Variants in MEGF10 observed in about 807,000 individuals in gnomAD.
The protein encoded by MEGF10 is multiple epidermal growth factor-like domains protein 10.
MEGF10 carries 86 observed loss-of-function variants against 147.5 expected under a neutral mutation model. The observed-to-expected ratio is 0.58, with a 90% CI of 0.49 to 0.70. The LOEUF (loss-of-function observed/expected upper bound fraction) is 0.70. MEGF10 is among the 30% of genes least tolerant of loss of function. The probability of loss-of-function intolerance (pLI) is 0.00; values close to 1 mark genes in which losing one functional copy is unlikely to be tolerated. For synonymous variants in MEGF10, 478 were observed against 525.5 expected (o/e 0.91, Z 1.24); for missense variants, 1,329 against 1,487.3 (o/e 0.89, Z 1.75).
intron 3 of MEGF10, among the ~76,000 whole-genome samples, chr5:127,340,171 G>A (rs943227734): frequency 6.7e-6 from 1 of 149,132 alleles, no homozygotes; most frequent in Non-Finnish European, 1.5e-5. Context: ...TCTTTTGTCT[G>A]TTAGTCTTCT....
rs998889481 is a variant in MEGF10 at position 127,396,445 on chromosome 5, A to G, written c.413-87A>G. The G allele has an allele frequency of 2.0e-5, 29 of 1,430,542 alleles. No homozygotes were observed. The African/African-American group carries it at 3.4e-4, about 17-fold the overall frequency. The allele number at this position is 1,430,542 out of a possible 1,614,324, so 88.6% of individuals were successfully genotyped here. ...TGTCCAGCTAATGAATGGCCATGAG[A>G]GGTCACCAAGCCATTCTCCCCGAGA... On this transcript the variant is annotated intron_variant, in intron 5 of 24. Transcript: ENST00000503335.
the MEGF10 span, among the ~76,000 whole-genome samples, chr5:127,251,949 A>G: frequency 6.6e-6 from 1 of 152,128 alleles, no homozygotes; most frequent in East Asian, 1.9e-4. Flanking sequence ...CAATAGAAAA[A>G]TGAATGATGG....
At chr5:127,402,008 A>T (rs1488198502) in intron 7 of MEGF10, among the ~76,000 whole-genome samples, 1 of 152,198 alleles carries the variant, frequency 6.6e-6, no homozygotes, top group Non-Finnish European at 1.5e-5. Context: ...CGGCAATGTG[A>T]TTGTTAATTC....
chr5:127,450,333 T>C (rs866269497), intron 22 of MEGF10, among the ~76,000 whole-genome samples: 1 of 152,204 alleles, frequency 6.6e-6, no homozygotes, highest in African/African-American at 2.4e-5. Flanking sequence ...CTGGATGACA[T>C]AGCGAGACTC....
chr5:127,424,258 A>G, intron 13 of MEGF10: 2 of 695,370 alleles, frequency 2.9e-6, no homozygotes, highest in Admixed American at 2.1e-5. Context: ...CCAGCACCAT[A>G]CAGTTTTGAT....
chr5:127,235,605 G>T, the MEGF10 span, among the ~76,000 whole-genome samples: 1 of 152,096 alleles, frequency 6.6e-6, no homozygotes, highest in Non-Finnish European at 1.5e-5. Flanking sequence ...TTATATTATC[G>T]TGTTTTCATT....
chr5:127,400,834 C>T (rs1179730988), intron 7 of MEGF10, among the ~76,000 whole-genome samples: 1 of 152,178 alleles, frequency 6.6e-6, no homozygotes, highest in African/African-American at 2.4e-5. Flanking sequence ...AGGCCCCTTA[C>T]CTTACTTCTG....
rs773672196 is a variant in MEGF10 at position 127,308,333 on chromosome 5, G to A, written c.-19+17277G>A. Reference sequence around the variant, plus strand: ...AATTCCTTAGAACTTTTCTGAGAACGTAAGGAACACAAACAGGTCCAGATC... The same window carrying A: ...AATTCCTTAGAACTTTTCTGAGAACATAAGGAACACAAACAGGTCCAGATC... On this transcript the variant is annotated intron_variant, in intron 1 of 24. Transcript: ENST00000503335. 1.7e-4 allele frequency among the ~76,000 whole-genome samples: 26 copies of A among 152,122 alleles called. No individual in the cohort carries two copies. The South Asian group carries it at 2.3e-3, about 13-fold the overall frequency.
intron 14 of MEGF10, among the ~76,000 whole-genome samples, chr5:127,434,203 C>T (rs897580489): frequency 2.0e-5 from 3 of 152,180 alleles, no homozygotes; most frequent in African/African-American, 2.4e-5. Flanking sequence ...AATCACTTTT[C>T]GATTACAGTC....
chr5:127,271,280 T>C, the MEGF10 span, among the ~76,000 whole-genome samples: 2 of 152,190 alleles, frequency 1.3e-5, no homozygotes, highest in African/African-American at 4.8e-5. Flanking sequence ...TATCTCATTG[T>C]GGTTTTGATT....
chr5:127,447,858 T>A (rs1260724515), intron 21 of MEGF10, among the ~76,000 whole-genome samples, 174 bp downstream of exon 21: 4 of 152,214 alleles, frequency 2.6e-5, no homozygotes, highest in Non-Finnish European at 4.4e-5. Context: ...AGTTTACTGA[T>A]GAAAACCTGA....
intron 5 of MEGF10, among the ~76,000 whole-genome samples, chr5:127,382,297 ATAG>A (rs1486225025): frequency 2.6e-5 from 4 of 152,206 alleles, no homozygotes; most frequent in African/African-American, 9.7e-5. Flanking sequence ...AGTAGAACAA[ATAG>A]TAGAGTTTAT....
chr5:127,309,532 A>G (rs1215070843), intron 1 of MEGF10, among the ~76,000 whole-genome samples: 1 of 152,254 alleles, frequency 6.6e-6, no homozygotes, highest in Non-Finnish European at 1.5e-5. Flanking sequence ...TATAAATGGA[A>G]TCAGACAGTA....
the MEGF10 span, among the ~76,000 whole-genome samples, chr5:127,275,644 G>A: frequency 6.6e-6 from 1 of 152,138 alleles, no homozygotes; most frequent in African/African-American, 2.4e-5. Context: ...AACTCTGCTG[G>A]CTAGGATGTC....
At chr5:127,402,317 C>G (rs1033257654) in intron 7 of MEGF10, among the ~76,000 whole-genome samples, 1 of 152,170 alleles carries the variant, frequency 6.6e-6, no homozygotes, top group Non-Finnish European at 1.5e-5. Context: ...ATTCAGCCGT[C>G]TTTGAATGTA....
At chr5:127,324,914 A>G (rs948019292) in intron 1 of MEGF10, among the ~76,000 whole-genome samples, 1 of 151,956 alleles carries the variant, frequency 6.6e-6, no homozygotes. Context: ...TTGAGTTTTT[A>G]TTTACTCAGA....
the MEGF10 span, among the ~76,000 whole-genome samples, chr5:127,246,251 T>A: frequency 2.6e-5 from 4 of 152,302 alleles, no homozygotes; most frequent in East Asian, 7.7e-4. Flanking sequence ...GTGGCACATA[T>A]ACAACATAGA....
At chr5:127,340,010 T>A (rs1307602348) in intron 3 of MEGF10, among the ~76,000 whole-genome samples, 2 of 152,214 alleles carry the variant, frequency 1.3e-5, no homozygotes, top group Non-Finnish European at 2.9e-5. Flanking sequence ...AAGTAAAATG[T>A]AAGTTCCTTG....
At chr5:127,304,565 C>G (rs1292801463) in intron 1 of MEGF10, among the ~76,000 whole-genome samples, 1 of 152,230 alleles carries the variant, frequency 6.6e-6, no homozygotes, top group African/African-American at 2.4e-5. Flanking sequence ...ATCGTCTCAG[C>G]TCACTGTAAC....
Sources: gnomAD v4.1 joint callset for allele counts (sites outside exome capture counted in the v4.1 genomes callset) on GRCh38, gnomAD v4.1.1 for gene constraint, MANE v1.5 for transcripts, NCBI Gene and HGNC (gene_info 2026-07-23, HGNC 2026-07-21) for gene names.